The following GRIN2A variants were observed in gnomAD, a reference collection of about 807,000 sequenced individuals.
GRIN2A encodes glutamate ionotropic receptor NMDA type subunit 2A, also known as glutamate receptor ionotropic, NMDA 2A.
A neutral mutation model predicts 113.4 loss-of-function variants in GRIN2A; 22 were observed. The ratio of observed to expected loss-of-function variants is 0.19; its 90% CI spans 0.14 to 0.28. The LOEUF is 0.28. Among genes scored for constraint, GRIN2A ranks in the 10% least tolerant of loss-of-function variants. The pLI is 1.00. For synonymous variants in GRIN2A, 827 were observed against 738.4 expected, an observed-to-expected ratio of 1.12 and a Z score of -1.94; for missense variants, 1,502 against 1,887.0, an observed-to-expected ratio of 0.80 and a Z score of 3.78.
chr16:9,961,261 ATACGCAGC>A (rs2045437156), intron 2 of GRIN2A, among the ~76,000 whole-genome samples: 1 of 152,108 alleles, frequency 6.6e-6, no homozygotes, highest in Admixed American at 6.5e-5. Context: ...TCTGATGGAA[ATACGCAGC>A]TACAACCCAA....
intron 2 of GRIN2A, among the ~76,000 whole-genome samples, chr16:10,169,376 T>C (rs1213790389): frequency 1.3e-5 from 2 of 152,192 alleles, no homozygotes; most frequent in Non-Finnish European, 1.5e-5. Flanking sequence ...GCAATTTTGC[T>C]CAGTGGCAAT....
intron 2 of GRIN2A, among the ~76,000 whole-genome samples, chr16:10,015,252 CAAAAA>C (rs200124835): frequency 2.6e-4 from 5 of 19,314 alleles, no homozygotes; most frequent in African/African-American, 6.1e-4. Flanking sequence ...GACTTCATCT[CAAAAA>C]AAAAAAAAAA....
intron 3 of GRIN2A, among the ~76,000 whole-genome samples, chr16:9,925,034 G>A (rs1174150272): frequency 6.6e-6 from 1 of 152,092 alleles, no homozygotes; most frequent in African/African-American, 2.4e-5. Context: ...TTTCCCTGCT[G>A]CTTTGCATGC....
At chr16:9,844,664 C>T (rs1354370936) in intron 5 of GRIN2A, among the ~76,000 whole-genome samples, 3 of 152,146 alleles carry the variant, frequency 2.0e-5, no homozygotes, top group Admixed American at 6.5e-5. Context: ...CACAGCCATG[C>T]GAGTCAGAGC....
chr16:9,797,561 C>T (rs192460582), intron 11 of GRIN2A, among the ~76,000 whole-genome samples: 15 of 152,286 alleles, frequency 9.8e-5, no homozygotes, highest in East Asian at 9.6e-4. Context: ...CATTCCTCCA[C>T]GGGATAAGAA....
intron 2 of GRIN2A, among the ~76,000 whole-genome samples, chr16:10,071,084 G>A (rs2047741661): frequency 6.6e-6 from 1 of 152,098 alleles, no homozygotes; most frequent in Admixed American, 6.5e-5. Flanking sequence ...GATCAGAAGG[G>A]GAAATCTAGT....
chr16:9,931,834 C>T (rs769631041), intron 3 of GRIN2A, among the ~76,000 whole-genome samples: 44 of 152,146 alleles, frequency 2.9e-4, no homozygotes, highest in Non-Finnish European at 2.2e-4. Flanking sequence ...TGTGCAAAAA[C>T]ACCTGTAGAC....
chr16:10,084,743 AC>A lies in GRIN2A; in HGVS notation c.414+95254del, dbSNP rs1596489028. 1.7e-4 allele frequency among the ~76,000 whole-genome samples: 5 copies of A among 28,630 alleles called. No homozygotes were observed. In the East Asian group the frequency reaches 9.5e-3, roughly 55 times the overall value. The allele number at this position is 28,630 out of a possible 152,430, so 18.8% of individuals were successfully genotyped here. On this transcript the variant is annotated intron_variant, in intron 2 of 12. Coordinates refer to ENST00000330684, the MANE Select transcript of GRIN2A (RefSeq NM_001134407.3). ...ATTCATGTCTTAATCACCACCTGAC[AC>A]TTTATTTATTTATTTATTTATTTAT...
At chr16:9,981,040 AAAAG>A (rs1211167919) in intron 2 of GRIN2A, among the ~76,000 whole-genome samples, 1 of 151,724 alleles carries the variant, frequency 6.6e-6, no homozygotes, top group East Asian at 1.9e-4. Flanking sequence ...TAGGAAAAAA[AAAAG>A]AGAGAGAGAG....
At chr16:9,810,532 C>T (rs1195659058) in intron 10 of GRIN2A, among the ~76,000 whole-genome samples, 1 of 152,128 alleles carries the variant, frequency 6.6e-6, no homozygotes, top group Non-Finnish European at 1.5e-5. Context: ...ACTCCAACGG[C>T]TGGAGTCCTT....
At chr16:10,170,004 A>G (rs1043396856) in intron 2 of GRIN2A, among the ~76,000 whole-genome samples, 1 of 152,190 alleles carries the variant, frequency 6.6e-6, no homozygotes, top group Non-Finnish European at 1.5e-5. Flanking sequence ...GAGCACCATG[A>G]TCTCAAATAC....
At chr16:10,036,697 C>A (rs868246232) in intron 2 of GRIN2A, among the ~76,000 whole-genome samples, 2 of 151,758 alleles carry the variant, frequency 1.3e-5, no homozygotes, top group East Asian at 3.9e-4. Context: ...CCGCCCACCT[C>A]GGCCTCCCAA....
At chr16:10,168,793 C>T (rs2049976612) in intron 2 of GRIN2A, among the ~76,000 whole-genome samples, 1 of 152,006 alleles carries the variant, frequency 6.6e-6, no homozygotes, top group African/African-American at 2.4e-5. Flanking sequence ...TGGTAAAACC[C>T]CATCTCTACT....
chr16:10,040,862 T>C (rs556328737), intron 2 of GRIN2A, among the ~76,000 whole-genome samples: 2 of 152,354 alleles, frequency 1.3e-5, no homozygotes, highest in African/African-American at 2.4e-5. Context: ...GTCAGAGCTG[T>C]GCCGATGAGC....
chr16:10,061,229 A>C (rs1016777772), intron 2 of GRIN2A, among the ~76,000 whole-genome samples: 2 of 152,194 alleles, frequency 1.3e-5, no homozygotes, highest in African/African-American at 4.8e-5. Context: ...TTAATGATGC[A>C]AACCATGTGC....
rs2050251075 is a variant in GRIN2A, at chr16:10,180,684, T to C, written c.-18-255A>G. ...TCTCGCATCCAGCTTCCTCATCCCCTGTCTCCAGGCACTTCCCCATCCCCA... is the reference window on the plus strand; with the variant it reads ...TCTCGCATCCAGCTTCCTCATCCCCCGTCTCCAGGCACTTCCCCATCCCCA... On this transcript the variant is annotated intron_variant, in intron 1 of 12. Coordinates refer to ENST00000330684, the MANE Select transcript of GRIN2A (RefSeq NM_001134407.3). The surrounding 1 kb of genome is among the most constrained non-coding windows in gnomAD (Gnocchi z 7.0). 3.4e-6 allele frequency: 2 copies of C among 595,794 alleles called. No homozygotes were observed. Among genetic ancestry groups the C allele is most frequent in the South Asian group, 2.0e-5 (1 of 50,558 alleles). 36.9% of individuals were successfully genotyped at this position (595,794 alleles called of 1,614,324 possible). A position where few individuals can be genotyped will look rare whatever the true frequency, so the allele number is the denominator to read the frequency against.
intron 2 of GRIN2A, among the ~76,000 whole-genome samples, chr16:10,176,908 A>C (rs1341600000): frequency 6.6e-6 from 1 of 152,190 alleles, no homozygotes; most frequent in African/African-American, 2.4e-5. Context: ...TTTAACTGAT[A>C]ACCAAATTGA....
At chr16:10,088,400 A>G (rs1384414242) in intron 2 of GRIN2A, among the ~76,000 whole-genome samples, 1 of 152,156 alleles carries the variant, frequency 6.6e-6, no homozygotes, top group Non-Finnish European at 1.5e-5. Flanking sequence ...ATTGGCACAC[A>G]TGGAAGGAGA....
At chr16:9,853,329 G>A (rs780213902) in intron 4 of GRIN2A, among the ~76,000 whole-genome samples, 1 of 152,234 alleles carries the variant, frequency 6.6e-6, no homozygotes, top group African/African-American at 2.4e-5. Flanking sequence ...GGTGGTGTTA[G>A]GAGGAGGGGT....
Sources: allele counts gnomAD v4.1 joint callset (sites outside exome capture counted in the v4.1 genomes callset), GRCh38; gene constraint gnomAD v4.1.1; non-coding constraint Gnocchi (gnomAD v3.1); transcripts MANE v1.5; gene names NCBI Gene and HGNC (gene_info 2026-07-23, HGNC 2026-07-21).